Variants in SPATA13 observed in about 807,000 individuals in gnomAD.
SPATA13 encodes the protein spermatogenesis associated 13.
Under a neutral mutation model 104.0 loss-of-function variants are expected in SPATA13, and 50 were observed. The observed-to-expected ratio is 0.48, with a 90% confidence interval of 0.38 to 0.61. The LOEUF is 0.61. Ranked by LOEUF, SPATA13 falls within the 20% of genes least tolerant of loss-of-function variation. The probability of loss-of-function intolerance (pLI) is 0.00; values close to 1 mark genes in which losing one functional copy is unlikely to be tolerated. For missense variants in SPATA13, 1,524 were observed against 1,690.6 expected, an observed-to-expected ratio of 0.90 and a Z score of 1.73; for synonymous variants, 606 against 667.5, an observed-to-expected ratio of 0.91 and a Z score of 1.42.
intron 2 of SPATA13, among the ~76,000 whole-genome samples, chr13:24,002,536 G>A (rs1004032926): frequency 6.6e-6 from 1 of 152,134 alleles, no homozygotes; most frequent in African/African-American, 2.4e-5. Context: ...CGGCCTCAGT[G>A]GCCTGAGGCC....
At chr13:24,138,701 A>G (rs1881654348) in intron 3 of SPATA13, among the ~76,000 whole-genome samples, 1 of 151,206 alleles carries the variant, frequency 6.6e-6, no homozygotes, top group Admixed American at 6.6e-5. Context: ...CTCCCACCTC[A>G]GCCTCCTGAG....
Position 24,051,585 on chromosome 13 carries a change from C to T in SPATA13, c.-112+33884C>T, listed in dbSNP as rs1878341438. 6.6e-6 allele frequency among the ~76,000 whole-genome samples: 1 copy of T among 152,152 alleles called. No individual in the cohort carries two copies. ...CAGGGAGTAAATGCTTCCTCCGTCT[C>T]CCTGCTGGTCTAGTAGAGTGGAGCC... On this transcript the variant is annotated intron_variant, in intron 3 of 14. Coordinates refer to the SPATA13 transcript ENST00000424834. The surrounding 1 kb of genome is among the most constrained non-coding windows in gnomAD (Gnocchi z 4.2).
At chr13:24,254,817 T>G (rs1054630598) in intron 4 of SPATA13, among the ~76,000 whole-genome samples, 24 of 110,118 alleles carry the variant, frequency 2.2e-4, no homozygotes, top group African/African-American at 5.6e-4. Context: ...CTTGCTTGCT[T>G]CTTTTTTTTT....
rs146237171 is a variant in SPATA13 at position 24,018,084 on chromosome 13, C to T, written c.-112+383C>T. On this transcript the variant is annotated intron_variant, in intron 3 of 14. Transcript: ENST00000424834. ...AAATACAAATGAATCACCTTACACC[C>T]GTGGAAAACCAATCACGAGTCTTAC... 9.2e-5 allele frequency among the ~76,000 whole-genome samples: 14 copies of T among 152,286 alleles called. No homozygotes were observed. The East Asian group carries it at 1.5e-3, about 17-fold the overall frequency.
intron 4 of SPATA13, among the ~76,000 whole-genome samples, chr13:24,271,561 T>C (rs1874614343): frequency 6.6e-6 from 1 of 152,248 alleles, no homozygotes; most frequent in Admixed American, 6.5e-5. Context: ...ATTTGGACTA[T>C]TTAAATGTGA....
intron 1 of SPATA13, among the ~76,000 whole-genome samples, chr13:24,213,350 T>G (rs2138592691): frequency 6.6e-6 from 1 of 152,296 alleles, no homozygotes; most frequent in East Asian, 1.9e-4. Context: ...CACTGTAACC[T>G]CCACCTCCTG....
intron 4 of SPATA13, among the ~76,000 whole-genome samples, chr13:24,274,579 C>A (rs926743650): frequency 6.6e-6 from 1 of 152,230 alleles, no homozygotes; most frequent in Non-Finnish European, 1.5e-5. Flanking sequence ...TGGGGTTCAC[C>A]CATAGTTTCA....
chr13:24,300,283 G>A, intron 11 of SPATA13, 118 bp from the exon 12 acceptor site: 2 of 709,492 alleles, frequency 2.8e-6, no homozygotes, highest in Non-Finnish European at 4.7e-6. Flanking sequence ...TGAGGATTAA[G>A]GTTCTCTGTC....
intron 2 of SPATA13, among the ~76,000 whole-genome samples, chr13:24,006,828 C>CT (rs1876255245): frequency 6.6e-6 from 1 of 152,200 alleles, no homozygotes; most frequent in South Asian, 2.1e-4. Context: ...GGATTTTACT[C>CT]TAAGAGCGCA....
rs191337010 is a variant in SPATA13 at position 24,224,108 on chromosome 13, C to T, written c.1179C>T (p.Phe393=). Residue 393 remains phenylalanine (F), a synonymous_variant, in exon 2 of 13, where the codon TTC becomes TTT. Coordinates refer to ENST00000382108, the MANE Select transcript of SPATA13 (RefSeq NM_001166271.3). ...CAACCTGCACCGTGGCCCCCGGTTT[C>T]GGCTCAGCCACCTCTAAGGGGCCCC... ...TTATCTVAPG[F]GSATSKGPHL... The T allele has an allele frequency of 3.2e-4, 501 of 1,551,502 alleles. No individual in the cohort carries two copies. The African/African-American group carries it at 5.8e-3, about 18-fold the overall frequency.
chr13:24,058,967 TTTG>T (rs1410038251), intron 3 of SPATA13, among the ~76,000 whole-genome samples: 1 of 135,484 alleles, frequency 7.4e-6, no homozygotes, highest in Non-Finnish European at 1.7e-5. Flanking sequence ...TGTATTGTTT[TTTG>T]TTTTGTTTTG....
At chr13:24,052,841 G>GCCCCCCCGCCCCCCCCCCGCCC (rs1555257406) in intron 3 of SPATA13, among the ~76,000 whole-genome samples, 5 of 58,954 alleles carry the variant, frequency 8.5e-5, no homozygotes, top group East Asian at 4.0e-4. Context: ...GATCCTCCCC[G>GCCCCCCCGCCCCCCCCCCGCCC]CCACTGTGCC....
intron 3 of SPATA13, among the ~76,000 whole-genome samples, chr13:24,025,273 T>C (rs950177278): frequency 2.0e-5 from 3 of 152,220 alleles, no homozygotes; most frequent in African/African-American, 7.2e-5. Flanking sequence ...TTAACCATGC[T>C]GATACTTAAA....
At chr13:24,026,231 T>G (rs1877209976) in intron 3 of SPATA13, among the ~76,000 whole-genome samples, 1 of 152,238 alleles carries the variant, frequency 6.6e-6, no homozygotes, top group Admixed American at 6.5e-5. Flanking sequence ...CTTTTATGAT[T>G]AATGCTTCTT....
intron 3 of SPATA13, among the ~76,000 whole-genome samples, chr13:24,116,857 T>C (rs1208879568): frequency 6.6e-6 from 1 of 151,576 alleles, no homozygotes; most frequent in Non-Finnish European, 1.5e-5. Flanking sequence ...GGGACTCTCA[T>C]AATGGCATTA....
chr13:23,997,343 G>A (rs564544137), intron 2 of SPATA13, among the ~76,000 whole-genome samples: 16 of 152,182 alleles, frequency 1.1e-4, no homozygotes, highest in Non-Finnish European at 2.2e-4. Flanking sequence ...CCTGTGATCC[G>A]ACCGTCCCCA....
chr13:24,006,852 G>A (rs1392588664), intron 2 of SPATA13, among the ~76,000 whole-genome samples: 2 of 152,220 alleles, frequency 1.3e-5, no homozygotes, highest in Non-Finnish European at 2.9e-5. Context: ...AAGCCACGTC[G>A]ATGGTGTAGG....
At chr13:24,225,756 C>A (rs541797176) in intron 2 of SPATA13, among the ~76,000 whole-genome samples, 63 of 152,288 alleles carry the variant, frequency 4.1e-4, no homozygotes, top group African/African-American at 1.5e-3. Flanking sequence ...GAAGGGTTGC[C>A]ACTCTTCACG....
At chr13:24,119,615 A>G (rs1013933004) in intron 3 of SPATA13, among the ~76,000 whole-genome samples, 7 of 152,190 alleles carry the variant, frequency 4.6e-5, no homozygotes, top group African/African-American at 1.7e-4. Flanking sequence ...CCTCAAAGGC[A>G]GCCCATGACT....
Sources: allele counts gnomAD v4.1 joint callset (sites outside exome capture counted in the v4.1 genomes callset), GRCh38; gene constraint gnomAD v4.1.1; non-coding constraint Gnocchi (gnomAD v3.1); transcripts MANE v1.5; gene names NCBI Gene and HGNC (gene_info 2026-07-23, HGNC 2026-07-21).